Variants in ITGA2 observed in about 807,000 individuals in gnomAD.
ITGA2 encodes integrin alpha-2.
In ITGA2, 101 loss-of-function variants were observed where a neutral mutation model predicts 146.3. The ratio of observed to expected loss-of-function variants is 0.69; its 90% CI spans 0.59 to 0.81. The LOEUF (loss-of-function observed/expected upper bound fraction) is 0.81. ITGA2 is among the 40% of genes least tolerant of loss of function. The probability of loss-of-function intolerance (pLI) is 0.00; values close to 1 mark genes in which losing one functional copy is unlikely to be tolerated. For synonymous variants in ITGA2, 477 were observed against 487.1 expected, an observed-to-expected ratio of 0.98 and a Z score of 0.27; for missense variants, 1,281 against 1,402.7, an observed-to-expected ratio of 0.91 and a Z score of 1.39.
intron 1 of ITGA2, among the ~76,000 whole-genome samples, chr5:53,006,591 A>G (rs1293872075): frequency 6.6e-6 from 1 of 152,184 alleles, no homozygotes; most frequent in African/African-American, 2.4e-5. Flanking sequence ...ATCAGTGTTT[A>G]TTCAGTAATT....
intron 1 of ITGA2, among the ~76,000 whole-genome samples, chr5:52,998,063 T>C (rs935176587): frequency 2.0e-5 from 3 of 152,208 alleles, no homozygotes; most frequent in Admixed American, 1.3e-4. Flanking sequence ...GCCTTTATTA[T>C]TACACAGTAT....
intron 3 of ITGA2, among the ~76,000 whole-genome samples, chr5:53,044,706 G>C (rs557296753): frequency 6.6e-6 from 1 of 151,784 alleles, no homozygotes; most frequent in South Asian, 2.1e-4. Context: ...CCTCAAATGT[G>C]TTTTGTTTTG....
rs374299041 is a variant in ITGA2, at chr5:53,048,319, A to G, written c.388-44A>G. ...CATAATGGAGAGGTAGAAGGTTTGC[A>G]TTTTTCATGTGTTTCCATTGATTGT... On this transcript the variant is annotated intron_variant, in intron 4 of 29. Coordinates refer to ENST00000296585, the MANE Select transcript of ITGA2 (RefSeq NM_002203.4). The G allele has an allele frequency of 2.7e-5, 39 of 1,457,646 alleles. No homozygotes were observed. The Middle Eastern group carries it at 5.2e-4, about 19-fold the overall frequency. The allele number at this position is 1,457,646 out of a possible 1,614,324, so 90.3% of individuals were successfully genotyped here.
At chr5:53,018,443 C>A (rs1439807552) in intron 1 of ITGA2, among the ~76,000 whole-genome samples, 3 of 152,064 alleles carry the variant, frequency 2.0e-5, no homozygotes, top group Non-Finnish European at 4.4e-5. Flanking sequence ...TGCTGGGGAC[C>A]AGGAAGGATT....
intron 26 of ITGA2, 133 bp from the exon 27 acceptor site, chr5:53,083,207 A>G: frequency 1.5e-6 from 1 of 680,576 alleles, no homozygotes; most frequent in Non-Finnish European, 2.7e-6. Context: ...TAGAACTACT[A>G]ATAGCTCATG....
chr5:53,070,043 A>G, intron 16 of ITGA2, 66 bp from the exon 17 acceptor site: 1 of 1,340,210 alleles, frequency 7.5e-7, no homozygotes, highest in Non-Finnish European at 1.1e-6. Context: ...GACACAATAA[A>G]GCAAAGATGC....
At chr5:53,052,310 A>G (rs961106083) in intron 7 of ITGA2, among the ~76,000 whole-genome samples, 1 of 151,838 alleles carries the variant, frequency 6.6e-6, no homozygotes, top group Non-Finnish European at 1.5e-5. Context: ...ATGTGCTCTC[A>G]TTGTTCAGCT....
intron 2 of ITGA2, among the ~76,000 whole-genome samples, chr5:53,040,867 C>G (rs545392445): frequency 6.6e-6 from 1 of 152,004 alleles, no homozygotes; most frequent in Non-Finnish European, 1.5e-5. Context: ...ATTTTTGTAA[C>G]CTTGGACCAT....
chr5:53,059,125 C>T (rs1156664223), intron 10 of ITGA2, among the ~76,000 whole-genome samples: 1 of 151,854 alleles, frequency 6.6e-6, no homozygotes, highest in Non-Finnish European at 1.5e-5. Flanking sequence ...AATAGTGTAT[C>T]TCATCCTCAC....
Position 53,090,716 on chromosome 5 carries a change from C to A in ITGA2, c.*117C>A. 1.2e-6 allele frequency: 1 copy of A among 832,582 alleles called. No individual in the cohort carries two copies. Among genetic ancestry groups the A allele is most frequent in the South Asian group, 1.4e-5 (1 of 69,960 alleles). The allele number at this position is 832,582 out of a possible 1,614,324, so 51.6% of individuals were successfully genotyped here. A position where few individuals can be genotyped will look rare whatever the true frequency, so the allele number is the denominator to read the frequency against. ...TTTTATCATGTCGTAGGTAAACTAA[C>A]CTGGTATTTTAAGAGAAAACTGCAG... On this transcript the variant is annotated 3_prime_UTR_variant, in exon 30 of 30. Transcript: ENST00000296585.
intron 1 of ITGA2, among the ~76,000 whole-genome samples, chr5:53,002,405 GA>G (rs1371005076): frequency 6.6e-5 from 10 of 151,950 alleles, no homozygotes; most frequent in Non-Finnish European, 1.0e-4. Context: ...ATAATTAACA[GA>G]AAAAATATTT....
chr5:53,086,806 A>G (rs1158670435), intron 27 of ITGA2, 146 bp from the exon 28 acceptor site: 1 of 701,892 alleles, frequency 1.4e-6, no homozygotes, highest in Non-Finnish European at 2.6e-6. Context: ...CACTGGTTTA[A>G]GCACACACAG....
chr5:53,070,103 T>A lies in ITGA2; in HGVS notation c.2084-6T>A, dbSNP rs967399230. 1.9e-6 allele frequency: 3 copies of A among 1,605,932 alleles called. No homozygotes were observed. The African/African-American group carries it at 4.0e-5, about 22-fold the overall frequency. ...TAACATTTCTTTATGATTTTTTTTA[T>A]CATAGCCATTGTATATAACATCACA... On this transcript the variant is annotated splice_polypyrimidine_tract_variant and splice_region_variant and intron_variant, in intron 16 of 29. Transcript: ENST00000296585.
intron 2 of ITGA2, among the ~76,000 whole-genome samples, chr5:53,039,350 C>T (rs1183109550): frequency 6.6e-6 from 1 of 152,072 alleles, no homozygotes; most frequent in South Asian, 2.1e-4. Context: ...TACGCAGAGG[C>T]TGAGAAAGGA....
At chr5:53,015,821 A>G (rs1246387855) in intron 1 of ITGA2, among the ~76,000 whole-genome samples, 9 of 151,604 alleles carry the variant, frequency 5.9e-5, no homozygotes, top group African/African-American at 1.9e-4. Flanking sequence ...GTTGAATTGA[A>G]CTCTTTACAT....
chr5:53,082,948 A>T (rs1363318374), intron 26 of ITGA2, among the ~76,000 whole-genome samples: 2 of 152,156 alleles, frequency 1.3e-5, no homozygotes, highest in Non-Finnish European at 2.9e-5. Context: ...CATTTTGTGC[A>T]TGTTTACTAA....
chr5:53,016,521 G>T (rs2897456), intron 1 of ITGA2, among the ~76,000 whole-genome samples: 13,453 of 152,106 alleles, frequency 0.088, 782 homozygotes, highest in East Asian at 0.21. Context: ...TTTAACATTT[G>T]TTCTCTATTT....
intron 1 of ITGA2, among the ~76,000 whole-genome samples, chr5:53,006,974 C>G (rs1221551690): frequency 6.6e-6 from 1 of 152,148 alleles, no homozygotes; most frequent in African/African-American, 2.4e-5. Flanking sequence ...ACTTAGAAAA[C>G]AGTCCTAAAC....
intron 2 of ITGA2, among the ~76,000 whole-genome samples, chr5:53,028,293 T>C (rs922881511): frequency 7.9e-5 from 12 of 152,170 alleles, no homozygotes; most frequent in African/African-American, 2.9e-4. Flanking sequence ...AATCGTGAGC[T>C]GGGTTTTAAG....
Sources: gnomAD v4.1 joint callset for allele counts (sites outside exome capture counted in the v4.1 genomes callset) on GRCh38, gnomAD v4.1.1 for gene constraint, MANE v1.5 for transcripts, NCBI Gene and HGNC (gene_info 2026-07-23, HGNC 2026-07-21) for gene names.